Variants in LNPEP observed in about 807,000 individuals in gnomAD.
The protein encoded by LNPEP is leucyl and cystinyl aminopeptidase.
LNPEP carries 64 observed loss-of-function variants against 120.6 expected under a neutral mutation model. The observed-to-expected ratio is 0.53, with a 90% CI of 0.43 to 0.65. LNPEP has a LOEUF of 0.65. LNPEP is among the 30% of genes least tolerant of loss of function. The pLI is 0.00. For synonymous variants in LNPEP, 435 were observed against 425.4 expected (o/e 1.02, Z -0.28); for missense variants, 1,057 against 1,200.0 (o/e 0.88, Z 1.76).
chr5:96,936,310 G>C, intron 1 of LNPEP, 136 bp downstream of exon 1: 1 of 628,192 alleles, frequency 1.6e-6, no homozygotes, highest in Non-Finnish European at 2.4e-6. Flanking sequence ...AGGGAGGCAG[G>C]GAGAGGGGAT....
intron 1 of LNPEP, among the ~76,000 whole-genome samples, chr5:96,951,697 A>G (rs1789328271): frequency 6.6e-6 from 1 of 152,154 alleles, no homozygotes. Flanking sequence ...CCACAGGAAT[A>G]AGTTTTTGGA....
At chr5:96,954,733 T>TATATAC (rs1290193586) in intron 1 of LNPEP, among the ~76,000 whole-genome samples, 1 of 105,042 alleles carries the variant, frequency 9.5e-6, no homozygotes, top group African/African-American at 3.7e-5. Flanking sequence ...CATATATATA[T>TATATAC]ACATATATAT....
chr5:97,003,506 CA>C lies in LNPEP; in HGVS notation c.1746del (p.Ser583LeufsTer19). The C allele has an allele frequency of 6.2e-7, 1 of 1,607,486 alleles. No homozygotes were observed. The highest frequency in any genetic ancestry group is 8.5e-7 in the Non-Finnish European group (1 of 1,175,878). On this transcript the variant is annotated frameshift_variant, in exon 9 of 18. Transcript: ENST00000231368. LOFTEE classifies it high-confidence loss of function. The stretch of plus-strand genomic sequence containing the variant: ...CTTTACCTGCATAATCACAGCTATG[CA>C]TCTATTCAAAGTGATGATCTGTGGG... Reference protein sequence around the residue: ...VVLYLHNHSYASIQSDDLWDS... With the variant: ...VVLYLHNHSYXSIQSDDLWDS...
chr5:96,945,172 A>G (rs1789157820), intron 1 of LNPEP, among the ~76,000 whole-genome samples: 1 of 152,036 alleles, frequency 6.6e-6, no homozygotes, highest in African/African-American at 2.4e-5. Context: ...CAAGGCAGGA[A>G]GATTGCTTGA....
chr5:96,973,372 T>A (rs1581995199), intron 1 of LNPEP, among the ~76,000 whole-genome samples: 1 of 152,240 alleles, frequency 6.6e-6, no homozygotes, highest in East Asian at 1.9e-4. Flanking sequence ...AGAAGAGTAT[T>A]CTCATTAGGG....
chr5:96,960,082 G>A (rs1019992107), intron 1 of LNPEP, among the ~76,000 whole-genome samples: 2 of 151,648 alleles, frequency 1.3e-5, no homozygotes, highest in Admixed American at 1.3e-4. Context: ...GGGATTACAG[G>A]CATGTACCAC....
chr5:96,963,765 A>T (rs114109476), intron 1 of LNPEP, among the ~76,000 whole-genome samples: 5,698 of 152,238 alleles, frequency 0.037, 184 homozygotes, highest in Middle Eastern at 0.11. Context: ...TTAATTTTTT[A>T]AATTGACACA....
intron 1 of LNPEP, among the ~76,000 whole-genome samples, chr5:96,943,505 T>C (rs1182344612): frequency 6.6e-6 from 1 of 152,242 alleles, no homozygotes; most frequent in Non-Finnish European, 1.5e-5. Flanking sequence ...CAGGCTGGTC[T>C]CGAACTCCTG....
intron 14 of LNPEP, among the ~76,000 whole-genome samples, chr5:97,023,303 G>GAGT (rs908001000): frequency 4.0e-5 from 6 of 151,868 alleles, no homozygotes; most frequent in Admixed American, 3.9e-4. Context: ...ACCCAGGCTG[G>GAGT]AGTGCAGTGG....
chr5:97,007,882 C>T (rs1257432357), intron 11 of LNPEP, among the ~76,000 whole-genome samples: 2 of 152,098 alleles, frequency 1.3e-5, no homozygotes, highest in South Asian at 2.1e-4. Context: ...ATAACCAAAT[C>T]GCCCTTTTTA....
Position 96,936,122 on chromosome 5 carries a change from C to T in LNPEP, c.-34C>T, listed in dbSNP as rs1263620942. 1.3e-6 allele frequency: 2 copies of T among 1,513,778 alleles called. No individual in the cohort carries two copies. The highest frequency in any genetic ancestry group is 1.8e-6 in the Non-Finnish European group (2 of 1,131,326). 93.8% of individuals were successfully genotyped at this position (1,513,778 alleles called of 1,614,324 possible). ...CAGCTCTCGGAGTAGGAAGCTCGGG[C>T]GCTCCGGCTGTAAGGAGCCGCGGCG... On this transcript the variant is annotated 5_prime_UTR_variant, in exon 1 of 18. Transcript: ENST00000231368.
chr5:96,954,665 TACATATATAC>T lies in LNPEP; in HGVS notation c.19+18503_19+18512del, dbSNP rs1789403389. On this transcript the variant is annotated intron_variant, in intron 1 of 17. Coordinates refer to ENST00000231368, the MANE Select transcript of LNPEP (RefSeq NM_005575.3). The stretch of plus-strand genomic sequence containing the variant: ...ACATATATACATATATACACATATA[TACATATATAC>T]ACATATATACATATATACACATATA... Among the ~76,000 whole-genome samples, 2 of 113,690 alleles carry T rather than the reference TACATATATAC, an allele frequency of 1.8e-5. 1 individual carries two copies. The highest frequency in any genetic ancestry group is 3.7e-5 in the Non-Finnish European group (2 of 54,344). The allele number at this position is 113,690 out of a possible 152,430, so 74.6% of individuals were successfully genotyped here.
intron 11 of LNPEP, among the ~76,000 whole-genome samples, chr5:97,011,396 T>C (rs1582026517): frequency 6.6e-6 from 1 of 152,184 alleles, no homozygotes; most frequent in Non-Finnish European, 1.5e-5. Flanking sequence ...CCATGCGGGC[T>C]AATTTTTATT....
chr5:96,980,876 A>G (rs1255073871), intron 2 of LNPEP, among the ~76,000 whole-genome samples: 1 of 152,198 alleles, frequency 6.6e-6, no homozygotes, highest in Admixed American at 6.5e-5. Flanking sequence ...TCCTTCTTAA[A>G]TGGAGAAAGA....
intron 1 of LNPEP, among the ~76,000 whole-genome samples, chr5:96,978,193 C>T (rs752241523): frequency 5.3e-5 from 8 of 151,802 alleles, no homozygotes; most frequent in African/African-American, 1.2e-4. Flanking sequence ...ACGATCTAAT[C>T]CTAGGAAGTA....
chr5:96,978,744 C>G (rs1188713586), intron 1 of LNPEP, among the ~76,000 whole-genome samples: 1 of 152,174 alleles, frequency 6.6e-6, no homozygotes, highest in Non-Finnish European at 1.5e-5. Context: ...CCCTTTGATC[C>G]TACTGACTCC....
chr5:97,025,254 T>G (rs1791311897), intron 15 of LNPEP, among the ~76,000 whole-genome samples: 1 of 152,174 alleles, frequency 6.6e-6, no homozygotes, highest in Non-Finnish European at 1.5e-5. Flanking sequence ...TAGAGGTATC[T>G]GCTGTAGAGA....
rs1582041255 is a variant in LNPEP at position 97,030,671 on chromosome 5, G to T, written c.*2138G>T. 1 of 118,230 alleles carries T rather than the reference G, an allele frequency of 8.5e-6. No individual in the cohort carries two copies. The highest frequency in any genetic ancestry group is 2.1e-4 in the East Asian group (1 of 4,838). 7.3% of individuals were successfully genotyped at this position (118,230 alleles called of 1,614,324 possible). A position where few individuals can be genotyped will look rare whatever the true frequency, so the allele number is the denominator to read the frequency against. ...GTGTGTGTGTGTGTGTGTGTGTGTA[G>T]TGTGGGGGGTATTGTTATGAGTAAA... On this transcript the variant is annotated 3_prime_UTR_variant, in exon 18 of 18. Transcript: ENST00000231368.
chr5:96,952,025 C>G (rs73775596), intron 1 of LNPEP, among the ~76,000 whole-genome samples: 38 of 151,950 alleles, frequency 2.5e-4, no homozygotes, highest in African/African-American at 8.4e-4. Flanking sequence ...TTATCGAGGA[C>G]CCCTAAGAGC....
Sources: gnomAD v4.1 joint callset for allele counts (sites outside exome capture counted in the v4.1 genomes callset) on GRCh38, gnomAD v4.1.1 for gene constraint, MANE v1.5 for transcripts, NCBI Gene and HGNC (gene_info 2026-07-23, HGNC 2026-07-21) for gene names.